Variants in GLIS3 observed in about 807,000 individuals in gnomAD.
GLIS3 encodes the protein zinc finger protein GLIS3.
Under a neutral mutation model 78.6 loss-of-function variants are expected in GLIS3, and 53 were observed. The observed-to-expected ratio is 0.67, with a 90% CI of 0.54 to 0.85. The LOEUF (loss-of-function observed/expected upper bound fraction) is 0.85, where lower values mean the gene tolerates loss of function less well. Ranked by LOEUF, GLIS3 falls within the 40% of genes least tolerant of loss-of-function variation. The pLI is 0.00. For missense variants in GLIS3, 1,703 were observed against 1,231.1 expected (o/e 1.38, Z -5.74); for synonymous variants, 684 against 509.9 (o/e 1.34, Z -4.60).
intron 1 of GLIS3, among the ~76,000 whole-genome samples, chr9:4,347,553 C>G (rs1441341630): frequency 2.0e-5 from 3 of 152,186 alleles, no homozygotes; most frequent in Non-Finnish European, 4.4e-5. Context: ...CAGGAATCTA[C>G]ATTTTCTGAT....
At chr9:4,063,974 G>T (rs989539029) in intron 4 of GLIS3, among the ~76,000 whole-genome samples, 2 of 152,106 alleles carry the variant, frequency 1.3e-5, no homozygotes, top group African/African-American at 4.8e-5. Context: ...AACAGAAAAG[G>T]TCCTGTTCCA....
At chr9:4,355,353 G>C in the GLIS3 span, among the ~76,000 whole-genome samples, 2 of 152,048 alleles carry the variant, frequency 1.3e-5, no homozygotes, top group East Asian at 3.9e-4. Flanking sequence ...GGCTCATTTA[G>C]GCAATGCATA....
intron 4 of GLIS3, among the ~76,000 whole-genome samples, chr9:3,946,003 C>T (rs1220788177): frequency 1.3e-5 from 2 of 152,168 alleles, no homozygotes; most frequent in South Asian, 2.1e-4. Context: ...TTAAGCAGCA[C>T]GTTGCTTTTT....
At chr9:4,331,298 CT>C (rs1817681461) in intron 2 of GLIS3, among the ~76,000 whole-genome samples, 2 of 152,276 alleles carry the variant, frequency 1.3e-5, no homozygotes, top group South Asian at 4.2e-4. Flanking sequence ...GTGTGTGTCT[CT>C]GAGTCCTCTC....
At chr9:3,876,942 G>A (rs1243957055) in intron 8 of GLIS3, among the ~76,000 whole-genome samples, 1 of 151,894 alleles carries the variant, frequency 6.6e-6, no homozygotes, top group Non-Finnish European at 1.5e-5. Context: ...CAAATTTCAG[G>A]CATTTGGGGT....
chr9:4,416,256 A>ATT, the GLIS3 span, among the ~76,000 whole-genome samples: 1 of 145,668 alleles, frequency 6.9e-6, no homozygotes, highest in African/African-American at 2.5e-5. Flanking sequence ...TGTTTTTAAA[A>ATT]AAAAAAAAAA....
At chr9:4,342,255 G>A (rs1226085040) in intron 2 of GLIS3, among the ~76,000 whole-genome samples, 12 of 152,162 alleles carry the variant, frequency 7.9e-5, no homozygotes, top group Admixed American at 7.9e-4. Flanking sequence ...CCCATCTTGA[G>A]TTAATTTTTG....
chr9:3,897,141 C>T (rs1466818247), intron 7 of GLIS3, among the ~76,000 whole-genome samples: 2 of 152,130 alleles, frequency 1.3e-5, no homozygotes, highest in African/African-American at 4.8e-5. Flanking sequence ...ATATGGATAG[C>T]ATTGCTTCCC....
chr9:4,169,510 A>G (rs1816180991), intron 2 of GLIS3, among the ~76,000 whole-genome samples: 1 of 152,216 alleles, frequency 6.6e-6, no homozygotes, highest in Admixed American at 6.5e-5. Flanking sequence ...CTTGTGATCC[A>G]GTATTTTCTT....
chr9:4,038,494 C>T (rs576957653), intron 4 of GLIS3, among the ~76,000 whole-genome samples: 39 of 152,326 alleles, frequency 2.6e-4, no homozygotes, highest in South Asian at 1.9e-3. Flanking sequence ...AAGAGACTGA[C>T]GTATGGGAGA....
In GLIS3 at chr9:4,185,129, C is replaced by T. The variant is rs187638556; in HGVS notation, c.389-59188G>A. ...CCCTGTTCCCATCTCCAACCCTAGG[C>T]AACAACTTGTCAACTTTCCGTCCCT... On this transcript the variant is annotated intron_variant, in intron 2 of 10. Coordinates refer to ENST00000381971, the MANE Select transcript of GLIS3 (RefSeq NM_001042413.2). Among the ~76,000 whole-genome samples, 18 of 152,294 alleles carry T rather than the reference C, an allele frequency of 1.2e-4. No homozygotes were observed. In the East Asian group the frequency reaches 2.3e-3, roughly 20 times the overall value.
the GLIS3 span, among the ~76,000 whole-genome samples, chr9:4,478,535 C>G: frequency 4.0e-5 from 6 of 151,832 alleles, no homozygotes; most frequent in Non-Finnish European, 7.4e-5. Flanking sequence ...CGCTTGAACC[C>G]AGGAGGTGGA....
intron 2 of GLIS3, among the ~76,000 whole-genome samples, chr9:4,266,785 T>C (rs1413134304): frequency 6.6e-6 from 1 of 152,216 alleles, no homozygotes; most frequent in African/African-American, 2.4e-5. Flanking sequence ...AAACAAACTA[T>C]GCATCTGCAT....
chr9:4,390,342 T>C, the GLIS3 span, among the ~76,000 whole-genome samples: 350 of 152,352 alleles, frequency 2.3e-3, 2 homozygotes, highest in African/African-American at 8.0e-3. Context: ...CCAGATATTG[T>C]TTTTATATAT....
the GLIS3 span, among the ~76,000 whole-genome samples, chr9:4,405,675 A>C: frequency 6.6e-6 from 1 of 152,118 alleles, no homozygotes; most frequent in South Asian, 2.1e-4. Context: ...CCCTACTCAA[A>C]CTGTTCTGAA....
rs1486329825 is a variant in GLIS3 at position 4,185,744 on chromosome 9, AAGGCATC to A, written c.389-59810_389-59804del. On this transcript the variant is annotated intron_variant, in intron 2 of 10. Transcript: ENST00000381971. ...TTCTAGCTAGGACCATGTTCAGCACAAGGCATCAGTTAGGGACAAAGCTATAGGAATG... is the reference window on the plus strand; with the variant it reads ...TTCTAGCTAGGACCATGTTCAGCACAAGTTAGGGACAAAGCTATAGGAATG... 2.6e-5 allele frequency among the ~76,000 whole-genome samples: 4 copies of A among 152,312 alleles called. No individual in the cohort carries two copies. In the East Asian group the frequency reaches 7.7e-4, roughly 29 times the overall value.
At chr9:4,353,269 G>A (rs554291131), upstream of GLIS3, among the ~76,000 whole-genome samples, 2 of 152,166 alleles carry the variant, frequency 1.3e-5, no homozygotes, top group Non-Finnish European at 2.9e-5. Flanking sequence ...ACAGATGTCT[G>A]TAGCCCAGCA....
At chr9:4,261,205 C>T (rs1020867908) in intron 2 of GLIS3, among the ~76,000 whole-genome samples, 6 of 152,124 alleles carry the variant, frequency 3.9e-5, no homozygotes, top group South Asian at 4.1e-4. Context: ...GAGTTCAACA[C>T]GGAAAATATT....
At chr9:4,126,013 G>C (rs1343679020) in intron 2 of GLIS3, 72 bp from the exon 3 acceptor site, 6 of 1,152,638 alleles carry the variant, frequency 5.2e-6, no homozygotes, top group Middle Eastern at 1.9e-4. Flanking sequence ...ACATGTGCAC[G>C]CTTATATCAG....
Sources: gnomAD v4.1 joint callset for allele counts (sites outside exome capture counted in the v4.1 genomes callset) on GRCh38, gnomAD v4.1.1 for gene constraint, MANE v1.5 for transcripts, NCBI Gene and HGNC (gene_info 2026-07-23, HGNC 2026-07-21) for gene names.